The following LUZP1 variants were observed in gnomAD, a reference collection of about 807,000 sequenced individuals.
LUZP1 encodes the protein filamin mechanobinding actin cross-linking protein.
LUZP1 carries 25 observed loss-of-function variants against 71.3 expected under a neutral mutation model. The ratio of observed to expected loss-of-function variants is 0.35; its 90% CI spans 0.26 to 0.49. The LOEUF is 0.49. Among genes scored for constraint, LUZP1 ranks in the 20% least tolerant of loss-of-function variants. LUZP1 has a pLI of 0.99. For synonymous variants in LUZP1, 481 were observed against 506.4 expected, an observed-to-expected ratio of 0.95 and a Z score of 0.67; for missense variants, 1,142 against 1,300.8, an observed-to-expected ratio of 0.88 and a Z score of 1.88.
chr1:23,138,735 G>A (rs1644276662), intron 2 of LUZP1, among the ~76,000 whole-genome samples: 1 of 144,928 alleles, frequency 6.9e-6, no homozygotes, highest in African/African-American at 2.5e-5. Context: ...AGGCACAGTG[G>A]CTCACGCCTG....
intron 2 of LUZP1, among the ~76,000 whole-genome samples, chr1:23,127,442 G>A (rs1644180621): frequency 6.6e-6 from 1 of 152,180 alleles, no homozygotes; most frequent in South Asian, 2.1e-4. Flanking sequence ...ATCCATGAGA[G>A]TTAAAAAGGA....
intron 2 of LUZP1, among the ~76,000 whole-genome samples, chr1:23,138,137 AT>A (rs1315219708): frequency 2.7e-5 from 4 of 150,918 alleles, no homozygotes; most frequent in Admixed American, 1.3e-4. Context: ...CGACTGGCTA[AT>A]TTTTTTTTGT....
rs191747898 is a variant in LUZP1, at chr1:23,099,298, G to T, written c.-119-4918C>A. ...GACCACACACCAATTTTAAATGAGT[G>T]TATGATACAAAGGGTCTGTGTTGCC... On this transcript the variant is annotated intron_variant, in intron 3 of 4. Coordinates refer to ENST00000302291, the Ensembl canonical transcript of LUZP1. Among the ~76,000 whole-genome samples the T allele has an allele frequency of 1.2e-3, 185 of 152,316 alleles. 1 individual carries two copies. The highest frequency in any genetic ancestry group is 7.3e-3 in the Admixed American group (112 of 15,304).
At position 23,094,542 on chromosome 1, in the gene LUZP1, G is replaced by A. The variant is rs1293061972; in HGVS notation, c.-119-162C>T. Among the ~76,000 whole-genome samples the A allele has an allele frequency of 6.6e-6, 1 of 152,178 alleles. No individual in the cohort carries two copies. Among genetic ancestry groups the A allele is most frequent in the Non-Finnish European group, 1.5e-5 (1 of 68,032 alleles). The stretch of plus-strand genomic sequence containing the variant: ...TTGAATAAACCTGCAAGAAAACACT[G>A]GTTCTTTATGGCCGATATTGAGTTG... On this transcript the variant is annotated intron_variant, in intron 3 of 4. Coordinates refer to ENST00000302291, the Ensembl canonical transcript of LUZP1. The surrounding 1 kb of genome is among the most constrained non-coding windows in gnomAD (Gnocchi z 4.7).
chr1:23,119,009 C>T (rs1304608857), intron 2 of LUZP1, among the ~76,000 whole-genome samples: 1 of 152,180 alleles, frequency 6.6e-6, no homozygotes, highest in Non-Finnish European at 1.5e-5. Context: ...CTGACACCAT[C>T]TCCTAAAGAA....
rs1426832407 is a variant in LUZP1, at chr1:23,117,511, G to C, written c.-225-8384C>G. Among the ~76,000 whole-genome samples the C allele has an allele frequency of 9.6e-5, 8 of 83,594 alleles. 2 individuals carry two copies. The highest frequency in any genetic ancestry group is 8.2e-4 in the Admixed American group (6 of 7,356). 54.8% of individuals were successfully genotyped at this position (83,594 alleles called of 152,430 possible). A position where few individuals can be genotyped will look rare whatever the true frequency, so the allele number is the denominator to read the frequency against. The stretch of plus-strand genomic sequence containing the variant: ...CCCCCCACAATCAGGAAGCCCTGGG[G>C]GGGGGGGCGGGGGGGGGGAACACCT... On this transcript the variant is annotated intron_variant, in intron 2 of 4. Transcript: ENST00000302291.
intron 2 of LUZP1, among the ~76,000 whole-genome samples, chr1:23,110,623 A>AACGCGC (rs1553137214): frequency 9.7e-6 from 1 of 102,880 alleles, no homozygotes; most frequent in Non-Finnish European, 2.0e-5. Context: ...CGCATGCATG[A>AACGCGC]ACGCGCACAC....
chr1:23,091,450 T>C (rs770363337), exon 4 of LUZP1: 21 of 1,613,868 alleles, frequency 1.3e-5, no homozygotes, highest in Non-Finnish European at 1.7e-5. Context: ...CCTATTCGAG[T>C]TGGGGGGTCT....
chr1:23,102,851 A>C (rs1643942340), intron 3 of LUZP1, among the ~76,000 whole-genome samples: 1 of 152,142 alleles, frequency 6.6e-6, no homozygotes, highest in Non-Finnish European at 1.5e-5. Context: ...TGTCTGCCAG[A>C]ATTTGCCAAT....
At chr1:23,107,857 C>T (rs1643996303) in intron 3 of LUZP1, among the ~76,000 whole-genome samples, 1 of 152,200 alleles carries the variant, frequency 6.6e-6, no homozygotes, top group Non-Finnish European at 1.5e-5. Flanking sequence ...AATTTTTCCA[C>T]TCCTTCGAGA....
intron 2 of LUZP1, among the ~76,000 whole-genome samples, chr1:23,165,153 G>A (rs1340089543): frequency 6.6e-6 from 1 of 151,956 alleles, no homozygotes; most frequent in East Asian, 1.9e-4. Context: ...TATTCATTCT[G>A]ATCTCACAGT....
chr1:23,084,594 C>T (rs2124566370), exon 5 of LUZP1: 1 of 152,258 alleles, frequency 6.6e-6, no homozygotes. Context: ...GACTGACTGA[C>T]AGATAGATGA....
At chr1:23,147,211 C>T (rs1171200155) in intron 2 of LUZP1, among the ~76,000 whole-genome samples, 1 of 151,484 alleles carries the variant, frequency 6.6e-6, no homozygotes, top group African/African-American at 2.4e-5. Flanking sequence ...GAGGCCGAGA[C>T]GGGTGGATCA....
exon 4 of LUZP1, chr1:23,091,669 G>T: frequency 3.1e-6 from 5 of 1,614,048 alleles, no homozygotes; most frequent in Non-Finnish European, 3.4e-6. Flanking sequence ...TCCTTCAGGG[G>T]CCCATCTGCC....
chr1:23,156,785 A>G (rs1644423700), intron 2 of LUZP1, among the ~76,000 whole-genome samples: 1 of 152,224 alleles, frequency 6.6e-6, no homozygotes, highest in Non-Finnish European at 1.5e-5. Context: ...TGCCATTTAT[A>G]GGATTCTCAA....
chr1:23,174,580 G>A (rs149511621), intron 1 of LUZP1, among the ~76,000 whole-genome samples: 2 of 152,218 alleles, frequency 1.3e-5, no homozygotes, highest in South Asian at 2.1e-4. Flanking sequence ...AGCACCTTGT[G>A]TCTACCATGT....
At chr1:23,166,653 C>CAAAAAAAAAAA (rs538327046) in intron 2 of LUZP1, among the ~76,000 whole-genome samples, 1 of 70,902 alleles carries the variant, frequency 1.4e-5, no homozygotes, top group African/African-American at 5.0e-5. Flanking sequence ...CACTCCGTCT[C>CAAAAAAAAAAA]AAAAAAAAAA....
exon 5 of LUZP1, chr1:23,084,769 A>C (rs1382063778): frequency 1.3e-5 from 2 of 152,220 alleles, no homozygotes; most frequent in East Asian, 3.8e-4. Flanking sequence ...AGTAATGGAA[A>C]GAATCTGCAC....
intron 2 of LUZP1, among the ~76,000 whole-genome samples, chr1:23,147,460 AAG>A (rs1454985318): frequency 6.6e-6 from 1 of 151,272 alleles, no homozygotes; most frequent in East Asian, 1.9e-4. Context: ...AAAAAAGAAA[AAG>A]AAATGCTTAA....
Sources: gnomAD v4.1 joint callset for allele counts (sites outside exome capture counted in the v4.1 genomes callset) on GRCh38, gnomAD v4.1.1 for gene constraint, Gnocchi (gnomAD v3.1) non-coding constraint, MANE v1.5 for transcripts, NCBI Gene and HGNC (gene_info 2026-07-23, HGNC 2026-07-21) for gene names.